Variants in AUTS2 observed in about 807,000 individuals in gnomAD.
AUTS2 encodes activator of transcription and developmental regulator AUTS2.
AUTS2 carries 17 observed loss-of-function variants against 112.4 expected under a neutral mutation model. The ratio of observed to expected loss-of-function variants is 0.15; its 90% CI spans 0.10 to 0.23. The LOEUF is 0.23. AUTS2 is among the 10% of genes least tolerant of loss of function. The pLI is 1.00. For synonymous variants in AUTS2, 751 were observed against 702.7 expected (o/e 1.07, Z -1.09); for missense variants, 1,510 against 1,701.6 (o/e 0.89, Z 1.98).
In AUTS2 at chr7:70,068,328, C is replaced by T. The variant is rs1238342132; in HGVS notation, c.523-49804C>T. ...GAGTAGCTGAGACTACAGGCACCTG[C>T]CACCCCACCCGGCTAATTTTTTTTT... On this transcript the variant is annotated intron_variant, in intron 2 of 18. Transcript: ENST00000342771. Among the ~76,000 whole-genome samples, 6 of 151,858 alleles carry T rather than the reference C, an allele frequency of 4.0e-5. No homozygotes were observed. In the East Asian group the frequency reaches 1.2e-3, roughly 29 times the overall value.
intron 5 of AUTS2, among the ~76,000 whole-genome samples, chr7:70,536,572 C>CTTTTTT (rs34639179): frequency 4.1e-5 from 2 of 49,042 alleles, no homozygotes; most frequent in African/African-American, 8.7e-5. Context: ...GAAGCCAAGG[C>CTTTTTT]TTTTTTTTTT....
At chr7:70,370,945 G>C (rs570847366) in intron 4 of AUTS2, among the ~76,000 whole-genome samples, 175 of 152,058 alleles carry the variant, frequency 1.2e-3, no homozygotes, top group Non-Finnish European at 2.3e-3. Context: ...CAAAACTAAG[G>C]CATAAGTGAA....
chr7:70,230,091 C>T (rs56212925), intron 4 of AUTS2, among the ~76,000 whole-genome samples: 34,329 of 151,626 alleles, frequency 0.23, 3,814 homozygotes, highest in Middle Eastern at 0.32. Flanking sequence ...TATCTATTGA[C>T]TTTTTTTTCC....
chr7:70,352,652 G>A (rs117035372), intron 4 of AUTS2, among the ~76,000 whole-genome samples: 1,890 of 152,094 alleles, frequency 0.012, 38 homozygotes, highest in Middle Eastern at 0.027. Context: ...CAGAACAGAC[G>A]TTATCTTCTG....
chr7:69,833,769 TG>T (rs1373961202), intron 1 of AUTS2, among the ~76,000 whole-genome samples: 1 of 152,188 alleles, frequency 6.6e-6, no homozygotes, highest in Non-Finnish European at 1.5e-5. Context: ...AAATCTTGCT[TG>T]AACTTGAAAC....
Position 70,790,984 on chromosome 7 carries a change from C to A in AUTS2, c.3768C>A (p.Ile1256=), listed in dbSNP as rs767677656. The A allele has an allele frequency of 3.3e-6, 5 of 1,496,780 alleles. No individual in the cohort carries two copies. In the African/African-American group the frequency reaches 7.0e-5, roughly 21 times the overall value. The allele number at this position is 1,496,780 out of a possible 1,614,324, so 92.7% of individuals were successfully genotyped here. ...CCCCTTCCCACACGCTGAAGGATAT[C>A]GAGGCCCGATAAGCCGAGAACAGGA... ...ERPPSHTLKD[I]EAR Residue 1256 remains isoleucine (I), a synonymous_variant, in exon 19 of 19, where the codon ATC becomes ATA. Transcript: ENST00000342771. The surrounding 1 kb of genome is among the most constrained non-coding windows in gnomAD (Gnocchi z 7.6).
chr7:70,698,377 GC>G (rs1419736066), intron 5 of AUTS2, among the ~76,000 whole-genome samples, 191 bp from the exon 6 acceptor site: 2 of 151,998 alleles, frequency 1.3e-5, no homozygotes, highest in Non-Finnish European at 1.5e-5. Flanking sequence ...TTTCCCCCCA[GC>G]AAATAGCTGC....
At chr7:70,050,355 CAAAA>C (rs60714093) in intron 2 of AUTS2, among the ~76,000 whole-genome samples, 8,493 of 72,696 alleles carry the variant, frequency 0.12, 276 homozygotes, top group African/African-American at 0.19. Context: ...GACTCTGTCT[CAAAA>C]AAAAAAAAAA....
intron 4 of AUTS2, among the ~76,000 whole-genome samples, chr7:70,260,296 G>C (rs1422339994): frequency 6.6e-6 from 1 of 152,056 alleles, no homozygotes; most frequent in Admixed American, 6.5e-5. Flanking sequence ...AACCCAGGAG[G>C]TGGAGCTTGC....
intron 4 of AUTS2, among the ~76,000 whole-genome samples, chr7:70,137,994 A>G (rs1341451370): frequency 5.3e-5 from 8 of 152,220 alleles, no homozygotes; most frequent in Non-Finnish European, 8.8e-5. Flanking sequence ...CTGTGATTCT[A>G]TATGAACATG....
chr7:70,140,228 A>G (rs541322299), intron 4 of AUTS2, among the ~76,000 whole-genome samples: 51 of 152,260 alleles, frequency 3.3e-4, no homozygotes, highest in Admixed American at 1.8e-3. Flanking sequence ...GTGTGCTTCA[A>G]TTAGGAGCCA....
intron 16 of AUTS2, among the ~76,000 whole-genome samples, chr7:70,785,747 A>T (rs1791413455): frequency 6.6e-6 from 1 of 152,242 alleles, no homozygotes; most frequent in African/African-American, 2.4e-5. Flanking sequence ...CAGTTGTAGA[A>T]GAAGAGTCCT....
intron 2 of AUTS2, among the ~76,000 whole-genome samples, chr7:70,093,445 CAA>C (rs920863212): frequency 9.8e-5 from 15 of 152,322 alleles, no homozygotes; most frequent in Admixed American, 2.0e-4. Flanking sequence ...TTTTAAAAAA[CAA>C]GATGGATGAT....
At chr7:70,278,358 C>T (rs1788039145) in intron 4 of AUTS2, among the ~76,000 whole-genome samples, 3 of 151,992 alleles carry the variant, frequency 2.0e-5, no homozygotes, top group Admixed American at 1.3e-4. Context: ...GCAGGAGGAT[C>T]GCTTGATTGA....
At chr7:70,310,203 C>T (rs1385709003) in intron 4 of AUTS2, among the ~76,000 whole-genome samples, 2 of 150,346 alleles carry the variant, frequency 1.3e-5, no homozygotes, top group Admixed American at 1.3e-4. Flanking sequence ...GGTCTAAAGA[C>T]AAACTGTGAC....
At chr7:70,573,747 G>GT (rs1260892588) in intron 5 of AUTS2, among the ~76,000 whole-genome samples, 1 of 151,680 alleles carries the variant, frequency 6.6e-6, no homozygotes, top group Non-Finnish European at 1.5e-5. Flanking sequence ...GATTAATATA[G>GT]TAGGAAACTT....
intron 4 of AUTS2, among the ~76,000 whole-genome samples, chr7:70,358,626 C>A (rs1014059): frequency 6.6e-6 from 1 of 152,112 alleles, no homozygotes; most frequent in Non-Finnish European, 1.5e-5. Flanking sequence ...GAAGAGGAGT[C>A]CTGTCTCCTT....
chr7:69,875,621 C>CTA (rs1208269354), intron 1 of AUTS2, among the ~76,000 whole-genome samples: 1 of 152,112 alleles, frequency 6.6e-6, no homozygotes, highest in African/African-American at 2.4e-5. Context: ...GATAGATGGC[C>CTA]TATGGTTCAT....
chr7:70,111,817 G>GA (rs1805102813), intron 2 of AUTS2, among the ~76,000 whole-genome samples: 1 of 152,026 alleles, frequency 6.6e-6, no homozygotes, highest in African/African-American at 2.4e-5. Context: ...TATCACTGTA[G>GA]AATGTTTACT....
Sources: gnomAD v4.1 joint callset for allele counts (sites outside exome capture counted in the v4.1 genomes callset) on GRCh38, gnomAD v4.1.1 for gene constraint, Gnocchi (gnomAD v3.1) non-coding constraint, MANE v1.5 for transcripts, NCBI Gene and HGNC (gene_info 2026-07-23, HGNC 2026-07-21) for gene names.